Variants in LYN observed in about 807,000 individuals in gnomAD.
LYN encodes tyrosine-protein kinase Lyn.
A neutral mutation model predicts 65.0 loss-of-function variants in LYN; 12 were observed. That is an observed-to-expected ratio of 0.18 (90% CI 0.12 to 0.30). The LOEUF is 0.30. LYN is among the 10% of genes least tolerant of loss of function. The pLI, the probability that LYN is intolerant of heterozygous loss-of-function variation, is 1.00. For synonymous variants in LYN, 222 were observed against 221.2 expected, an observed-to-expected ratio of 1.00 and a Z score of -0.03; for missense variants, 380 against 623.2, an observed-to-expected ratio of 0.61 and a Z score of 4.16.
chr8:56,005,535 G>A (rs1432272115), intron 12 of LYN, among the ~76,000 whole-genome samples: 1 of 152,312 alleles, frequency 6.6e-6, no homozygotes, highest in East Asian at 1.9e-4. Flanking sequence ...CGCCTTGCCC[G>A]TTGTCAGTGC....
chr8:56,006,682 G>T (rs1029944517), intron 12 of LYN, among the ~76,000 whole-genome samples: 4 of 152,214 alleles, frequency 2.6e-5, no homozygotes, highest in Non-Finnish European at 5.9e-5. Flanking sequence ...TCAGAGCTCA[G>T]TGCTAGTTCA....
intron 1 of LYN, among the ~76,000 whole-genome samples, chr8:55,886,553 A>T (rs1042119480): frequency 2.6e-5 from 4 of 152,200 alleles, no homozygotes; most frequent in African/African-American, 9.6e-5. Flanking sequence ...AGCCTGTCAA[A>T]CTTATTTGAC....
intron 1 of LYN, among the ~76,000 whole-genome samples, chr8:55,914,526 G>A (rs1337838067): frequency 6.6e-6 from 1 of 152,076 alleles, no homozygotes; most frequent in Admixed American, 6.5e-5. Context: ...TGGGACTAGG[G>A]GCCTGGGTAG....
chr8:55,985,567 A>G (rs752007163), intron 10 of LYN, among the ~76,000 whole-genome samples: 2 of 152,252 alleles, frequency 1.3e-5, no homozygotes, highest in Non-Finnish European at 2.9e-5. Flanking sequence ...GTCTTTATAC[A>G]GGAATTCTTT....
chr8:55,947,489 C>T, intron 3 of LYN, 129 bp from the exon 4 acceptor site: 1 of 687,970 alleles, frequency 1.5e-6, no homozygotes, highest in Non-Finnish European at 2.6e-6. Context: ...GCCCACTAGG[C>T]AGGAAGCACA....
intron 10 of LYN, among the ~76,000 whole-genome samples, chr8:55,980,816 A>C (rs918570608): frequency 6.6e-6 from 1 of 152,204 alleles, no homozygotes; most frequent in African/African-American, 2.4e-5. Flanking sequence ...ACCATGTCTA[A>C]GTTTATGGTT....
chr8:56,000,513 G>A (rs1405098335), intron 12 of LYN, among the ~76,000 whole-genome samples: 1 of 151,884 alleles, frequency 6.6e-6, no homozygotes, highest in Non-Finnish European at 1.5e-5. Flanking sequence ...TGAATCACGA[G>A]GTCAGGAGTT....
rs747832100 is a variant in LYN, at chr8:55,941,926, C to G, written c.67C>G (p.Pro23Ala). The part of the protein sequence containing the change: ...SDDGVDLKTQ[P>A]VRNTERTIYV... ...CGATGGAGTAGATTTGAAGACTCAA[C>G]CAGTACGTAATACTGAAAGAACTAT... The change falls in exon 2 of 13, where the codon CCA (proline) becomes GCA (alanine). Residue 23 changes from proline to alanine, a missense_variant. Physicochemically the swap from Pro to Ala is conservative, Grantham distance 27 (BLOSUM62 -1). Transcript: ENST00000519728. 1.2e-6 allele frequency: 2 copies of G among 1,611,548 alleles called. No individual in the cohort carries two copies. The highest frequency in any genetic ancestry group is 1.7e-6 in the Non-Finnish European group (2 of 1,177,918).
intron 1 of LYN, among the ~76,000 whole-genome samples, chr8:55,881,756 G>C (rs1366043445): frequency 4.6e-5 from 7 of 152,134 alleles, no homozygotes; most frequent in Non-Finnish European, 1.0e-4. Flanking sequence ...TTCCTTTATA[G>C]CAGCAGCCAG....
chr8:55,886,380 C>T (rs1366733753), intron 1 of LYN, among the ~76,000 whole-genome samples: 3 of 151,924 alleles, frequency 2.0e-5, no homozygotes, highest in Non-Finnish European at 4.4e-5. Flanking sequence ...GCTGGGATTA[C>T]AGGCATGCAC....
rs1481783495 is a variant in LYN at position 56,011,522 on chromosome 8, A to AC, written c.*1413dup. On this transcript the variant is annotated 3_prime_UTR_variant, in exon 13 of 13. Coordinates refer to ENST00000519728, the MANE Select transcript of LYN (RefSeq NM_002350.4). ...CCCAAGTTCTACCTCCTTCCTTTGA[A>AC]CATTTCAGATTGGAGAACCAAGGAG... is the stretch of plus-strand genomic sequence containing the variant. The AC allele has an allele frequency of 5.2e-6, 1 of 193,486 alleles. No homozygotes were observed. The highest frequency in any genetic ancestry group is 6.1e-5 in the Admixed American group (1 of 16,364). 12.0% of individuals were successfully genotyped at this position (193,486 alleles called of 1,614,324 possible). A position where few individuals can be genotyped will look rare whatever the true frequency, so the allele number is the denominator to read the frequency against.
chr8:55,886,316 C>T (rs1172531930), intron 1 of LYN, among the ~76,000 whole-genome samples: 1 of 150,406 alleles, frequency 6.6e-6, no homozygotes, highest in East Asian at 2.0e-4. Context: ...TCTCCACTCA[C>T]TGCAACCCCT....
chr8:55,894,457 C>T (rs1805035726), intron 1 of LYN, among the ~76,000 whole-genome samples: 1 of 151,928 alleles, frequency 6.6e-6, no homozygotes. Flanking sequence ...GCAGCCTCAA[C>T]CTCCTGGGCT....
intron 1 of LYN, among the ~76,000 whole-genome samples, chr8:55,934,453 A>G (rs1806366003): frequency 6.6e-6 from 1 of 152,216 alleles, no homozygotes; most frequent in Non-Finnish European, 1.5e-5. Context: ...GGTTCTCTCC[A>G]TATTCTGTGT....
intron 1 of LYN, among the ~76,000 whole-genome samples, chr8:55,910,925 C>T (rs1438222261): frequency 2.1e-5 from 3 of 140,722 alleles, no homozygotes; most frequent in East Asian, 2.1e-4. Context: ...GAGACAGAGT[C>T]TCGCTCTGAC....
At chr8:55,882,928 A>T (rs749340248) in intron 1 of LYN, among the ~76,000 whole-genome samples, 11 of 152,338 alleles carry the variant, frequency 7.2e-5, no homozygotes, top group Non-Finnish European at 1.3e-4. Context: ...CTCTCAACTT[A>T]TGATGAGGCT....
At chr8:55,957,178 C>A (rs1489274536) in intron 8 of LYN, among the ~76,000 whole-genome samples, 1 of 135,240 alleles carries the variant, frequency 7.4e-6, no homozygotes, top group Non-Finnish European at 1.6e-5. Context: ...GTGAAGTGGA[C>A]AAACTCCAAT....
intron 8 of LYN, among the ~76,000 whole-genome samples, chr8:55,962,119 T>C (rs1807301583): frequency 6.6e-6 from 1 of 152,220 alleles, no homozygotes; most frequent in Admixed American, 6.5e-5. Flanking sequence ...TGGGTGTGGC[T>C]ACAGTTCATT....
chr8:55,950,899 G>C (rs1563525426), intron 6 of LYN, 115 bp downstream of exon 6: 10 of 704,408 alleles, frequency 1.4e-5, no homozygotes, highest in Non-Finnish European at 1.5e-5. Context: ...GGTAGTAAAA[G>C]TTTTATGGTT....
Sources: gnomAD v4.1 joint callset for allele counts (sites outside exome capture counted in the v4.1 genomes callset) on GRCh38, gnomAD v4.1.1 for gene constraint, MANE v1.5 for transcripts, NCBI Gene and HGNC (gene_info 2026-07-23, HGNC 2026-07-21) for gene names.